GLIS3: variants seen among roughly 807,000 people sequenced by gnomAD.
GLIS3 encodes the protein zinc finger protein GLIS3.
In GLIS3, 53 loss-of-function variants were observed where a neutral mutation model predicts 78.6. That is an observed-to-expected ratio of 0.67 (90% CI 0.54 to 0.85). The LOEUF (loss-of-function observed/expected upper bound fraction) is 0.85, where lower values mean the gene tolerates loss of function less well. Ranked by LOEUF, GLIS3 falls within the 40% of genes least tolerant of loss-of-function variation. The probability of loss-of-function intolerance (pLI) is 0.00; values close to 1 mark genes in which losing one functional copy is unlikely to be tolerated. For synonymous variants in GLIS3, 684 were observed against 509.9 expected (o/e 1.34, Z -4.60); for missense variants, 1,703 against 1,231.1 (o/e 1.38, Z -5.74).
the GLIS3 span, among the ~76,000 whole-genome samples, chr9:4,471,095 G>T: frequency 9.2e-5 from 14 of 152,044 alleles, no homozygotes; most frequent in Non-Finnish European, 1.8e-4. Flanking sequence ...ACTGCTCAAC[G>T]AAATAAAAGA....
chr9:4,188,259 T>C (rs1196160818), intron 2 of GLIS3, among the ~76,000 whole-genome samples: 2 of 151,508 alleles, frequency 1.3e-5, no homozygotes, highest in East Asian at 1.9e-4. Flanking sequence ...GATAATCATG[T>C]GGTTTTTGTC....
intron 8 of GLIS3, among the ~76,000 whole-genome samples, chr9:3,862,454 T>C (rs2130306241): frequency 6.6e-6 from 1 of 152,320 alleles, no homozygotes; most frequent in East Asian, 1.9e-4. Flanking sequence ...TCTAACTAGA[T>C]AACTTCTTTC....
At chr9:4,040,345 G>C (rs1464298152) in intron 4 of GLIS3, among the ~76,000 whole-genome samples, 1 of 150,774 alleles carries the variant, frequency 6.6e-6, no homozygotes, top group African/African-American at 2.5e-5. Context: ...TAGTTACAAA[G>C]GTTTTCTGTC....
chr9:4,168,197 GCA>G (rs140128203), intron 2 of GLIS3, among the ~76,000 whole-genome samples: 226 of 150,566 alleles, frequency 1.5e-3, no homozygotes, highest in Non-Finnish European at 2.4e-3. Flanking sequence ...ACACACAGAC[GCA>G]CACACACACA....
chr9:3,846,031 A>G (rs1295501406), intron 9 of GLIS3, among the ~76,000 whole-genome samples: 1 of 152,246 alleles, frequency 6.6e-6, no homozygotes, highest in Non-Finnish European at 1.5e-5. Context: ...GAGCAAGGGC[A>G]TGACAGGCAT....
the GLIS3 span, among the ~76,000 whole-genome samples, chr9:4,459,645 G>C: frequency 6.6e-6 from 1 of 152,096 alleles, no homozygotes; most frequent in Non-Finnish European, 1.5e-5. Context: ...CACGCCTGTG[G>C]TCCCAGCTAC....
chr9:4,429,790 C>T, the GLIS3 span, among the ~76,000 whole-genome samples: 1 of 152,098 alleles, frequency 6.6e-6, no homozygotes, highest in East Asian at 1.9e-4. Context: ...AAACTGTATG[C>T]AGGTGACCAA....
intron 2 of GLIS3, among the ~76,000 whole-genome samples, chr9:4,185,549 G>A (rs1817710356): frequency 6.6e-6 from 1 of 151,998 alleles, no homozygotes; most frequent in Non-Finnish European, 1.5e-5. Context: ...TAAAGTTGAT[G>A]GTTTATGTAT....
chr9:4,286,131 G>A lies in GLIS3; in HGVS notation c.295C>T (p.Gln99Ter), dbSNP rs751142369. The change falls in exon 2 of 11, where the codon CAG becomes TAG. Residue 99 changes from glutamine (Q) to a stop codon, truncating the protein, a stop_gained. Transcript: ENST00000381971. LOFTEE classifies it high-confidence loss of function. The part of the protein sequence containing the change: ...QMLTNGKPRF[Q>*]VTQAGGMSGS... ...GACATGCCTCCAGCCTGGGTGACCT[G>A]GAATCGCGGCTTCCCATTGGTGAGC... 3.1e-6 allele frequency: 5 copies of A among 1,613,714 alleles called. No homozygotes were observed. The highest frequency in any genetic ancestry group is 4.2e-6 in the Non-Finnish European group (5 of 1,179,582).
chr9:4,473,466 A>AAAAAAAAAAAAAG, the GLIS3 span, among the ~76,000 whole-genome samples: 11 of 135,408 alleles, frequency 8.1e-5, no homozygotes, highest in Admixed American at 2.3e-4. Context: ...ACAACAAAAA[A>AAAAAAAAAAAAAG]AAAGGATCAT....
chr9:3,918,079 T>C (rs1204855878), intron 6 of GLIS3, among the ~76,000 whole-genome samples: 1 of 152,232 alleles, frequency 6.6e-6, no homozygotes, highest in Non-Finnish European at 1.5e-5. Flanking sequence ...CAAATGTGGA[T>C]GAAAATGTTT....
chr9:4,409,630 A>C, the GLIS3 span, among the ~76,000 whole-genome samples: 4 of 152,334 alleles, frequency 2.6e-5, no homozygotes, highest in Admixed American at 2.0e-4. Context: ...AAAATATTGA[A>C]AATTCTAGTA....
At chr9:3,930,881 A>C (rs994755840) in intron 6 of GLIS3, among the ~76,000 whole-genome samples, 16 of 151,750 alleles carry the variant, frequency 1.1e-4, no homozygotes, top group Admixed American at 9.2e-4. Context: ...TATAAGGTAT[A>C]TATAGATGAT....
intron 4 of GLIS3, among the ~76,000 whole-genome samples, chr9:4,116,212 G>C (rs1176324653): frequency 6.6e-6 from 1 of 152,212 alleles, no homozygotes; most frequent in Non-Finnish European, 1.5e-5. Context: ...TTTTCAGCCA[G>C]GATTAGTCAG....
At chr9:3,835,500 A>G (rs570542683) in intron 9 of GLIS3, among the ~76,000 whole-genome samples, 1 of 152,230 alleles carries the variant, frequency 6.6e-6, no homozygotes, top group Non-Finnish European at 1.5e-5. Context: ...GACTGTATCA[A>G]TTCAGGGATC....
the GLIS3 span, among the ~76,000 whole-genome samples, chr9:4,468,094 G>C: frequency 6.6e-6 from 1 of 152,058 alleles, no homozygotes; most frequent in Non-Finnish European, 1.5e-5. Flanking sequence ...AGAGAAAAAA[G>C]GGAAAAAAGA....
intron 2 of GLIS3, among the ~76,000 whole-genome samples, chr9:4,143,372 G>C (rs1274279089): frequency 6.6e-6 from 1 of 151,960 alleles, no homozygotes; most frequent in African/African-American, 2.4e-5. Context: ...TTCGAGACCA[G>C]CCTGTCCAAC....
At chr9:3,898,285 T>A (rs926475519) in intron 7 of GLIS3, 6 of 268,554 alleles carry the variant, frequency 2.2e-5, no homozygotes, top group African/African-American at 1.3e-4. Context: ...AAAATTTCCT[T>A]AGAGACCTGG....
chr9:4,318,918 C>T (rs117415168), intron 2 of GLIS3, among the ~76,000 whole-genome samples: 1,706 of 152,300 alleles, frequency 0.011, 15 homozygotes, highest in Non-Finnish European at 0.018. Flanking sequence ...ATGTGCCTCC[C>T]GGAGTGAGCT....
Sources: gnomAD v4.1 joint callset for allele counts (sites outside exome capture counted in the v4.1 genomes callset) on GRCh38, gnomAD v4.1.1 for gene constraint, MANE v1.5 for transcripts, NCBI Gene and HGNC (gene_info 2026-07-23, HGNC 2026-07-21) for gene names.